Variants in MYH11 observed in about 807,000 individuals in gnomAD.
MYH11 encodes the protein myosin heavy chain 11, also known as myosin-11.
MYH11 carries 80 observed loss-of-function variants against 246.6 expected under a neutral mutation model. That is an observed-to-expected ratio of 0.32 (90% CI 0.27 to 0.39). The LOEUF (loss-of-function observed/expected upper bound fraction) is 0.39. Among genes scored for constraint, MYH11 ranks in the 10% least tolerant of loss-of-function variants. MYH11 has a pLI of 1.00. For synonymous variants in MYH11, 1,071 were observed against 1,015.5 expected, an observed-to-expected ratio of 1.05 and a Z score of -1.04; for missense variants, 2,158 against 2,546.8, an observed-to-expected ratio of 0.85 and a Z score of 3.29.
intron 27 of MYH11, among the ~76,000 whole-genome samples, chr16:15,728,247 T>TAACA (rs1201281241): frequency 1.3e-5 from 2 of 152,078 alleles, no homozygotes; most frequent in African/African-American, 2.4e-5. Context: ...AATCAATAAC[T>TAACA]AACATTCTAT....
chr16:15,774,917 C>T (rs1252240930), intron 8 of MYH11, among the ~76,000 whole-genome samples: 2 of 152,266 alleles, frequency 1.3e-5, no homozygotes, highest in South Asian at 2.1e-4. Context: ...ATAATGCCAC[C>T]CCCTAGTAGC....
intron 9 of MYH11, among the ~76,000 whole-genome samples, chr16:15,768,204 A>G (rs2042026102): frequency 6.6e-6 from 1 of 152,218 alleles, no homozygotes; most frequent in Non-Finnish European, 1.5e-5. Flanking sequence ...CTTGCTGAGG[A>G]ATAAGAAACA....
intron 12 of MYH11, among the ~76,000 whole-genome samples, chr16:15,758,798 T>TAAA (rs201338555): frequency 7.4e-6 from 1 of 134,230 alleles, no homozygotes; most frequent in Non-Finnish European, 1.6e-5. Flanking sequence ...AGACTCTGTC[T>TAAA]AAAAAAAAAA....
At chr16:15,826,233 A>C (rs1276569352) in intron 2 of MYH11, among the ~76,000 whole-genome samples, 1 of 152,148 alleles carries the variant, frequency 6.6e-6, no homozygotes, top group Non-Finnish European at 1.5e-5. Flanking sequence ...TAGAACATTA[A>C]AAAAACACAG....
chr16:15,705,571 G>A (rs903999915), intron 40 of MYH11, among the ~76,000 whole-genome samples: 1 of 152,160 alleles, frequency 6.6e-6, no homozygotes, highest in Non-Finnish European at 1.5e-5. Context: ...GACCTGAATC[G>A]GAAGACAGGT....
At chr16:15,773,359 C>T (rs991021553) in intron 8 of MYH11, among the ~76,000 whole-genome samples, 1 of 140,510 alleles carries the variant, frequency 7.1e-6, no homozygotes, top group South Asian at 2.2e-4. Flanking sequence ...GCGATATTGG[C>T]TGCTCACTGC....
At chr16:15,764,703 T>A (rs2041943350) in intron 9 of MYH11, among the ~76,000 whole-genome samples, 1 of 152,206 alleles carries the variant, frequency 6.6e-6, no homozygotes. Context: ...CATTGTCTTA[T>A]TTAAAATGGA....
In MYH11 at chr16:15,726,943, T is replaced by G; in HGVS notation, c.3763A>C (p.Lys1255Gln). The G allele has an allele frequency of 6.2e-7, 1 of 1,613,366 alleles. No homozygotes were observed. Among genetic ancestry groups the G allele is most frequent in the Non-Finnish European group, 8.5e-7 (1 of 1,179,992 alleles). Residue 1255 changes from lysine (K) to glutamine (Q), a missense_variant, in exon 28 of 41, where the codon AAG becomes CAG. By Grantham distance (53) the Lys-to-Gln change is moderately conservative. Coordinates refer to ENST00000300036, the MANE Select transcript of MYH11 (RefSeq NM_002474.3). ...TCCTGCACCTGCGCCTCCAGCTTCT[T>G]CTTCTTATGTTCCACCTCCTGCTTG... ...QAKQEVEHKK[K>Q]KLEAQVQELQ...
chr16:15,719,128 G>A (rs1283538140), intron 36 of MYH11, 92 bp downstream of exon 36: 21 of 1,339,012 alleles, frequency 1.6e-5, no homozygotes, highest in East Asian at 2.4e-5. Flanking sequence ...ACTCTGTCTC[G>A]AAAAAATTTA....
In MYH11 at chr16:15,737,478, C is replaced by G; in HGVS notation, c.3264G>C (p.Lys1088Asn). The stretch of plus-strand genomic sequence containing the variant: ...CCAGGGCCGCCTGCAGCTCCTCCTC[C>G]TTCTTGGCCAGCTGCATCTTGAGCT... ...IAELKMQLAK[K>N]EEELQAALAR... is the part of the protein sequence containing the mutation. The change falls in exon 25 of 41, where the codon AAG becomes AAC. Residue 1088 changes from lysine (K) to asparagine (N), a missense_variant. Physicochemically the swap from Lys to Asn is moderately conservative, Grantham distance 94. This residue lies in a region of MYH11 where 284 missense variants were observed against 315.4 expected (regional missense o/e 0.90). Coordinates refer to ENST00000300036, the MANE Select transcript of MYH11 (RefSeq NM_002474.3). The G allele has an allele frequency of 2.5e-6, 4 of 1,613,666 alleles. No homozygotes were observed. The highest frequency in any genetic ancestry group is 3.4e-6 in the Non-Finnish European group (4 of 1,180,032).
chr16:15,712,036 T>G (rs142885282), intron 40 of MYH11, among the ~76,000 whole-genome samples: 4 of 151,818 alleles, frequency 2.6e-5, no homozygotes, highest in African/African-American at 9.7e-5. Context: ...CTCCCATAGA[T>G]GGGATGTGGG....
intron 14 of MYH11, 41 bp downstream of exon 14, chr16:15,756,300 G>T (rs1445936890): frequency 6.2e-7 from 1 of 1,607,588 alleles, no homozygotes; most frequent in African/African-American, 1.3e-5. Flanking sequence ...AGCCACTGGG[G>T]GTCCCCTGAG....
rs947466083 is a variant in MYH11 at position 15,721,788 on chromosome 16, C to G, written c.4366-154G>C. On this transcript the variant is annotated intron_variant, in intron 31 of 40. Transcript: ENST00000300036. ...CTATGGGAGTAATTTATATAATCAT[C>G]TGGCGTTCTGACTTCTACATCAACC... 22 of 741,464 alleles carry G rather than the reference C, an allele frequency of 3.0e-5. No individual in the cohort carries two copies. The Middle Eastern group carries it at 1.3e-3, about 44-fold the overall frequency. 45.9% of individuals were successfully genotyped at this position (741,464 alleles called of 1,614,324 possible). A position where few individuals can be genotyped will look rare whatever the true frequency, so the allele number is the denominator to read the frequency against.
intron 31 of MYH11, among the ~76,000 whole-genome samples, chr16:15,722,016 C>T (rs2040513710): frequency 6.6e-6 from 1 of 152,112 alleles, no homozygotes; most frequent in African/African-American, 2.4e-5. Flanking sequence ...CACCACCACA[C>T]CTGGCTAATT....
chr16:15,738,815 A>G, intron 23 of MYH11, 127 bp from the exon 24 acceptor site: 1 of 1,121,074 alleles, frequency 8.9e-7, no homozygotes, highest in Non-Finnish European at 1.3e-6. Flanking sequence ...ATACAACTAG[A>G]GTTTTAAATG....
intron 4 of MYH11, among the ~76,000 whole-genome samples, chr16:15,795,658 G>T (rs2042727654): frequency 6.6e-6 from 1 of 152,174 alleles, no homozygotes; most frequent in Non-Finnish European, 1.5e-5. Context: ...ATGGATACTG[G>T]ATTGCAGGAA....
chr16:15,832,032 G>C (rs1338587493), intron 2 of MYH11, among the ~76,000 whole-genome samples: 1 of 152,126 alleles, frequency 6.6e-6, no homozygotes, highest in African/African-American at 2.4e-5. Flanking sequence ...GACCAGTGCA[G>C]TGGCTGGCAC....
At chr16:15,723,949 A>C (rs776444726) in intron 31 of MYH11, among the ~76,000 whole-genome samples, 2 of 152,208 alleles carry the variant, frequency 1.3e-5, no homozygotes, top group Non-Finnish European at 2.9e-5. Flanking sequence ...CAGAAAAGTC[A>C]CAGTCATCAA....
intron 8 of MYH11, among the ~76,000 whole-genome samples, chr16:15,772,821 G>A (rs940325444): frequency 6.6e-6 from 1 of 152,134 alleles, no homozygotes; most frequent in African/African-American, 2.4e-5. Flanking sequence ...CATAAGATCA[G>A]CAGCAGCATT....
Sources: gnomAD v4.1 joint callset for allele counts (sites outside exome capture counted in the v4.1 genomes callset) on GRCh38, gnomAD v4.1.1 for gene constraint, gnomAD v4.1.1 regional missense constraint, MANE v1.5 for transcripts, NCBI Gene and HGNC (gene_info 2026-07-23, HGNC 2026-07-21) for gene names.